The following CNTNAP2 variants were observed in gnomAD, a reference collection of about 807,000 sequenced individuals.
CNTNAP2 encodes the protein contactin-associated protein-like 2.
In CNTNAP2, 98 loss-of-function variants were observed where a neutral mutation model predicts 155.2. The ratio of observed to expected loss-of-function variants is 0.63; its 90% CI spans 0.54 to 0.75. The LOEUF (loss-of-function observed/expected upper bound fraction) is 0.75. Ranked by LOEUF, CNTNAP2 falls within the 30% of genes least tolerant of loss-of-function variation. The pLI, the probability that CNTNAP2 is intolerant of heterozygous loss-of-function variation, is 0.00. For missense variants in CNTNAP2, 1,727 were observed against 1,688.1 expected (o/e 1.02, Z -0.40); for synonymous variants, 651 against 631.2 (o/e 1.03, Z -0.47).
At chr7:146,404,734 C>T (rs1795766613) in intron 1 of CNTNAP2, among the ~76,000 whole-genome samples, 1 of 152,090 alleles carries the variant, frequency 6.6e-6, no homozygotes. Context: ...TTGCATCACT[C>T]CAGCCCACTT....
intron 1 of CNTNAP2, among the ~76,000 whole-genome samples, chr7:146,549,486 T>G (rs1359095209): frequency 6.6e-6 from 1 of 152,040 alleles, no homozygotes; most frequent in Non-Finnish European, 1.5e-5. Context: ...TAGGAAACAT[T>G]AGTCATTATT....
In CNTNAP2 at chr7:146,637,816, G is replaced by GA. The variant is rs1445321748; in HGVS notation, c.98-136449dup. On this transcript the variant is annotated intron_variant, in intron 1 of 23. Coordinates refer to ENST00000361727, the MANE Select transcript of CNTNAP2 (RefSeq NM_014141.6). ...GAAATGGCAAAATACTAAGATATGG[G>GA]AAAAAATAAGATACCAGTTTAATTT... is the stretch of plus-strand genomic sequence containing the variant. 3.9e-5 allele frequency among the ~76,000 whole-genome samples: 6 copies of GA among 152,118 alleles called. No individual in the cohort carries two copies. In the East Asian group the frequency reaches 5.8e-4, roughly 15 times the overall value.
At chr7:146,291,629 C>T (rs1347835803) in intron 1 of CNTNAP2, among the ~76,000 whole-genome samples, 1 of 152,074 alleles carries the variant, frequency 6.6e-6, no homozygotes. Flanking sequence ...TGCTTAAGTA[C>T]TTGACACATA....
chr7:147,235,838 G>C (rs776979169), intron 8 of CNTNAP2, among the ~76,000 whole-genome samples: 327 of 152,274 alleles, frequency 2.1e-3, no homozygotes, highest in Non-Finnish European at 3.8e-3. Context: ...CCTCCCAGTA[G>C]ATGCCCGAGG....
chr7:147,938,636 G>A (rs1800659803), intron 14 of CNTNAP2, among the ~76,000 whole-genome samples: 1 of 151,922 alleles, frequency 6.6e-6, no homozygotes, highest in African/African-American at 2.4e-5. Flanking sequence ...GGTAACAAAA[G>A]GCAAACCACG....
At chr7:147,495,589 A>G (rs569301827) in intron 11 of CNTNAP2, among the ~76,000 whole-genome samples, 1 of 152,322 alleles carries the variant, frequency 6.6e-6, no homozygotes, top group Non-Finnish European at 1.5e-5. Context: ...TCAACAGATG[A>G]CAGCCATGGT....
intron 2 of CNTNAP2, among the ~76,000 whole-genome samples, chr7:146,777,899 A>G (rs1802417856): frequency 1.5e-5 from 2 of 130,592 alleles, no homozygotes; most frequent in Admixed American, 7.1e-5. Context: ...TTGAGAGAAA[A>G]GAGATTTTTT....
chr7:148,206,530 T>C (rs1350857720), intron 18 of CNTNAP2, among the ~76,000 whole-genome samples: 1 of 152,202 alleles, frequency 6.6e-6, no homozygotes, highest in African/African-American at 2.4e-5. Context: ...GCCTCAATCC[T>C]GCCTTTCTTC....
intron 1 of CNTNAP2, among the ~76,000 whole-genome samples, chr7:146,330,767 A>C (rs1801171784): frequency 6.6e-6 from 1 of 152,194 alleles, no homozygotes; most frequent in South Asian, 2.1e-4. Flanking sequence ...GTAGCGACAA[A>C]AATGGGGGGA....
At chr7:146,395,799 A>AT (rs1563068313) in intron 1 of CNTNAP2, among the ~76,000 whole-genome samples, 1 of 143,686 alleles carries the variant, frequency 7.0e-6, no homozygotes, top group African/African-American at 2.8e-5. Flanking sequence ...ATAGATAGAT[A>AT]GATAGATAGA....
intron 10 of CNTNAP2, among the ~76,000 whole-genome samples, chr7:147,459,244 A>T (rs1033566197): frequency 6.6e-6 from 1 of 152,202 alleles, no homozygotes; most frequent in Non-Finnish European, 1.5e-5. Flanking sequence ...CAGCCCAGCC[A>T]TCGGGTAGGT....
chr7:147,319,914 T>C (rs1393453120), intron 9 of CNTNAP2, among the ~76,000 whole-genome samples: 1 of 152,224 alleles, frequency 6.6e-6, no homozygotes, highest in Non-Finnish European at 1.5e-5. Context: ...TAGGGTCATA[T>C]AGTAAATATT....
intron 13 of CNTNAP2, among the ~76,000 whole-genome samples, chr7:147,850,831 C>G (rs1798923640): frequency 6.6e-6 from 1 of 152,046 alleles, no homozygotes; most frequent in South Asian, 2.1e-4. Context: ...AGAAGAAAAC[C>G]TAGGCAATAC....
chr7:147,593,212 AT>A (rs201990418), intron 12 of CNTNAP2, among the ~76,000 whole-genome samples: 29,470 of 140,846 alleles, frequency 0.21, 3,160 homozygotes, highest in East Asian at 0.36. Context: ...ACCTTCCCTT[AT>A]TTTTTTTTTT....
intron 10 of CNTNAP2, among the ~76,000 whole-genome samples, chr7:147,407,193 G>T (rs556100494): frequency 1.3e-5 from 2 of 152,254 alleles, no homozygotes; most frequent in East Asian, 3.9e-4. Context: ...ATAAGGCCGG[G>T]TGCAGTGGCT....
At chr7:147,000,575 T>C (rs1798402649) in intron 3 of CNTNAP2, among the ~76,000 whole-genome samples, 1 of 152,122 alleles carries the variant, frequency 6.6e-6, no homozygotes, top group South Asian at 2.1e-4. Flanking sequence ...GGCCACCTGG[T>C]GTGATCCTTA....
chr7:147,482,153 A>G (rs1188892919), intron 10 of CNTNAP2, among the ~76,000 whole-genome samples: 1 of 152,192 alleles, frequency 6.6e-6, no homozygotes, highest in African/African-American at 2.4e-5. Context: ...CAGAAGAGAC[A>G]GGTGCTCAAC....
intron 17 of CNTNAP2, among the ~76,000 whole-genome samples, chr7:148,170,861 C>T (rs1335256801): frequency 1.3e-5 from 2 of 152,132 alleles, no homozygotes; most frequent in Non-Finnish European, 2.9e-5. Flanking sequence ...AGAATCAATC[C>T]CCAGCCTACT....
chr7:146,823,305 T>G (rs1389392122), intron 2 of CNTNAP2, among the ~76,000 whole-genome samples: 1 of 149,670 alleles, frequency 6.7e-6, no homozygotes, highest in Non-Finnish European at 1.5e-5. Flanking sequence ...TTCAGTATAA[T>G]TACATGTAAA....
Sources: gnomAD v4.1 joint callset for allele counts (sites outside exome capture counted in the v4.1 genomes callset) on GRCh38, gnomAD v4.1.1 for gene constraint, MANE v1.5 for transcripts, NCBI Gene and HGNC (gene_info 2026-07-23, HGNC 2026-07-21) for gene names.